HMCN1: variants seen among roughly 807,000 people sequenced by gnomAD.
HMCN1 encodes the protein hemicentin 1, also known as hemicentin-1.
A neutral mutation model predicts 625.9 loss-of-function variants in HMCN1; 321 were observed. The ratio of observed to expected loss-of-function variants is 0.51; its 90% CI spans 0.47 to 0.56. HMCN1 has a LOEUF of 0.56. HMCN1 is among the 20% of genes least tolerant of loss of function. The pLI is 0.00. For missense variants in HMCN1, 6,588 were observed against 6,887.3 expected (o/e 0.96, Z 1.54); for synonymous variants, 2,425 against 2,417.6 (o/e 1.00, Z -0.09).
chr1:186,111,035 C>T (rs1461024543), intron 71 of HMCN1, among the ~76,000 whole-genome samples: 1 of 127,574 alleles, frequency 7.8e-6, no homozygotes, highest in Non-Finnish European at 1.5e-5. Context: ...GGTTGGCATG[C>T]AGTGGCGCGA....
intron 1 of HMCN1, among the ~76,000 whole-genome samples, chr1:185,737,158 TA>T (rs1289713114): frequency 2.0e-5 from 3 of 149,744 alleles, no homozygotes; most frequent in African/African-American, 2.5e-5. Context: ...TGTTGTTGTT[TA>T]TTTTTTTTTT....
chr1:186,136,234 A>G (rs1285087765), intron 86 of HMCN1, among the ~76,000 whole-genome samples: 2 of 152,312 alleles, frequency 1.3e-5, no homozygotes, highest in East Asian at 3.9e-4. Context: ...GAAAAAAGTG[A>G]ATATTCACCA....
chr1:186,008,505 C>G (rs1653783615), intron 30 of HMCN1, among the ~76,000 whole-genome samples: 1 of 151,888 alleles, frequency 6.6e-6, no homozygotes, highest in South Asian at 2.1e-4. Flanking sequence ...ATGTGGCTAC[C>G]AGAAAACTTA....
chr1:185,803,676 T>C (rs1200319543), intron 1 of HMCN1, among the ~76,000 whole-genome samples: 1 of 152,140 alleles, frequency 6.6e-6, no homozygotes, highest in African/African-American at 2.4e-5. Context: ...AGAATTCTAC[T>C]TGTTCTCAAA....
intron 1 of HMCN1, among the ~76,000 whole-genome samples, chr1:185,834,739 GC>G (rs1195239423): frequency 1.6e-4 from 25 of 152,220 alleles, no homozygotes; most frequent in Admixed American, 1.4e-3. Context: ...ATAATTGCAG[GC>G]CGTTTTAGAG....
intron 70 of HMCN1, among the ~76,000 whole-genome samples, chr1:186,107,631 A>G (rs948330116): frequency 6.6e-6 from 1 of 152,104 alleles, no homozygotes; most frequent in Non-Finnish European, 1.5e-5. Flanking sequence ...ATTTTACTCC[A>G]TATTTTTGGA....
At chr1:186,163,349 C>G (rs1423310750) in intron 97 of HMCN1, among the ~76,000 whole-genome samples, 1 of 152,212 alleles carries the variant, frequency 6.6e-6, no homozygotes, top group African/African-American at 2.4e-5. Flanking sequence ...TCCCTGACCT[C>G]TTGCACTTCC....
chr1:185,763,698 A>G (rs955437356), intron 1 of HMCN1, among the ~76,000 whole-genome samples: 4 of 152,172 alleles, frequency 2.6e-5, no homozygotes, highest in African/African-American at 9.6e-5. Flanking sequence ...ATCTCATTTA[A>G]CAGTCGCAAT....
At chr1:185,885,445 T>C (rs1664585602) in intron 4 of HMCN1, among the ~76,000 whole-genome samples, 1 of 151,938 alleles carries the variant, frequency 6.6e-6, no homozygotes, top group Admixed American at 6.6e-5. Context: ...TATGAAATTA[T>C]CATGTTACAT....
Position 185,906,608 on chromosome 1 carries a change from G to T in HMCN1, c.622-2729G>T, listed in dbSNP as rs1951514. On this transcript the variant is annotated intron_variant, in intron 4 of 106. Coordinates refer to ENST00000271588, the MANE Select transcript of HMCN1 (RefSeq NM_031935.3). ...CTCTCTGCATTGGGTTTGAAGGAAAGATATATTTGTAGAGCCACCCAGACA... is the reference window on the plus strand; with the variant it reads ...CTCTCTGCATTGGGTTTGAAGGAAATATATATTTGTAGAGCCACCCAGACA... Among the ~76,000 whole-genome samples, 1,149 of 151,906 alleles carry T rather than the reference G, an allele frequency of 7.6e-3. 14 individuals are homozygous for T. The highest frequency in any genetic ancestry group is 0.025 in the African/African-American group (1,032 of 41,518).
chr1:185,827,008 C>T (rs547365525), intron 1 of HMCN1, among the ~76,000 whole-genome samples: 1 of 151,322 alleles, frequency 6.6e-6, no homozygotes, highest in Admixed American at 6.6e-5. Context: ...AACCTTGTCT[C>T]TACTAAAAAT....
At chr1:185,766,943 T>C (rs1333842138) in intron 1 of HMCN1, among the ~76,000 whole-genome samples, 2 of 150,984 alleles carry the variant, frequency 1.3e-5, no homozygotes, top group Admixed American at 6.6e-5. Flanking sequence ...AGCTTCAAAA[T>C]GTTTTAAGGG....
At chr1:185,782,292 C>T (rs994610664) in intron 1 of HMCN1, among the ~76,000 whole-genome samples, 2 of 152,114 alleles carry the variant, frequency 1.3e-5, no homozygotes, top group African/African-American at 4.8e-5. Context: ...GGTCTTGACT[C>T]TTTATCCAAT....
At chr1:186,056,928 G>A (rs1477401668) in intron 45 of HMCN1, among the ~76,000 whole-genome samples, 1 of 151,452 alleles carries the variant, frequency 6.6e-6, no homozygotes, top group Non-Finnish European at 1.5e-5. Flanking sequence ...AAAAAAGGGG[G>A]CGAGTGACTC....
At chr1:186,103,906 T>G (rs549669698) in intron 69 of HMCN1, among the ~76,000 whole-genome samples, 1 of 152,278 alleles carries the variant, frequency 6.6e-6, no homozygotes, top group Non-Finnish European at 1.5e-5. Context: ...TTTTGCAAGT[T>G]TTCACAGTGC....
intron 4 of HMCN1, among the ~76,000 whole-genome samples, chr1:185,866,582 A>G (rs1009069952): frequency 2.7e-5 from 4 of 150,878 alleles, no homozygotes; most frequent in Non-Finnish European, 1.5e-5. Flanking sequence ...TTTTTTTTGT[A>G]TTTTTAGTAG....
intron 82 of HMCN1, 31 bp from the exon 83 acceptor site, chr1:186,128,047 A>C: frequency 6.3e-7 from 1 of 1,589,090 alleles, no homozygotes; most frequent in Non-Finnish European, 8.6e-7. Context: ...GATGATTATG[A>C]AATTTTAAAT....
intron 2 of HMCN1, among the ~76,000 whole-genome samples, chr1:185,853,409 T>C (rs968592648): frequency 2.4e-4 from 36 of 152,304 alleles, no homozygotes; most frequent in African/African-American, 7.7e-4. Flanking sequence ...TTTAAGATAT[T>C]GAAAGGTACT....
At chr1:185,979,008 A>G (rs999968967) in intron 16 of HMCN1, among the ~76,000 whole-genome samples, 2 of 152,180 alleles carry the variant, frequency 1.3e-5, no homozygotes, top group Non-Finnish European at 2.9e-5. Context: ...TTAAATATAC[A>G]TTGGCCACTT....
Sources: gnomAD v4.1 joint callset for allele counts (sites outside exome capture counted in the v4.1 genomes callset) on GRCh38, gnomAD v4.1.1 for gene constraint, MANE v1.5 for transcripts, NCBI Gene and HGNC (gene_info 2026-07-23, HGNC 2026-07-21) for gene names.